Variants in TMEM232 observed in about 807,000 individuals in gnomAD.
TMEM232 encodes transmembrane protein 232.
In TMEM232, 80 loss-of-function variants were observed where a neutral mutation model predicts 78.8. The ratio of observed to expected loss-of-function variants is 1.01; its 90% CI spans 0.85 to 1.22. The LOEUF is 1.22. Ranked by LOEUF, TMEM232 falls within the 50% of genes most tolerant of loss-of-function variation. TMEM232 has a pLI of 0.00. For missense variants in TMEM232, 881 were observed against 742.2 expected, an observed-to-expected ratio of 1.19 and a Z score of -2.17; for synonymous variants, 297 against 254.3, an observed-to-expected ratio of 1.17 and a Z score of -1.60.
At chr5:110,694,673 G>C (rs551535800) in intron 1 of TMEM232, among the ~76,000 whole-genome samples, 5 of 151,958 alleles carry the variant, frequency 3.3e-5, no homozygotes, top group African/African-American at 1.2e-4. Context: ...TGATAAAACA[G>C]ACTTTAAACC....
At position 110,472,149 on chromosome 5, in the gene TMEM232, C is replaced by T. The variant is rs368556402; in HGVS notation, c.1704-47233G>A. 5.9e-5 allele frequency among the ~76,000 whole-genome samples: 9 copies of T among 151,818 alleles called. No homozygotes were observed. The East Asian group carries it at 7.7e-4, about 13-fold the overall frequency. ...GAGATGTGATCTTATATAGAAAAGC[C>T]AAAGACTCCACAAAAAACTATTATA... On this transcript the variant is annotated intron_variant, in intron 12 of 13. Transcript: ENST00000455884.
chr5:110,401,610 T>C (rs1020651176), intron 2 of TMEM232, among the ~76,000 whole-genome samples: 2 of 152,060 alleles, frequency 1.3e-5, no homozygotes, highest in African/African-American at 4.8e-5. Context: ...AAATTTTCCT[T>C]TGCTGAAGTG....
chr5:110,531,636 T>G (rs1288521647), intron 11 of TMEM232, among the ~76,000 whole-genome samples: 1 of 152,192 alleles, frequency 6.6e-6, no homozygotes, highest in Non-Finnish European at 1.5e-5. Flanking sequence ...TTCGTCTCCT[T>G]TTAGCCCTCC....
chr5:110,530,532 T>C (rs918972989), intron 11 of TMEM232, among the ~76,000 whole-genome samples: 31 of 152,134 alleles, frequency 2.0e-4, no homozygotes, highest in African/African-American at 7.2e-4. Flanking sequence ...CACAATGGGA[T>C]AGTATTGAGC....
intron 2 of TMEM232, among the ~76,000 whole-genome samples, chr5:110,649,230 TA>T (rs1371872485): frequency 1.3e-5 from 2 of 151,796 alleles, no homozygotes; most frequent in African/African-American, 4.8e-5. Flanking sequence ...TTTGGGAGAG[TA>T]AAAACAGTTA....
intron 12 of TMEM232, among the ~76,000 whole-genome samples, chr5:110,456,379 AT>A (rs1227184210): frequency 6.6e-6 from 1 of 152,154 alleles, no homozygotes; most frequent in Non-Finnish European, 1.5e-5. Context: ...AAGTAAAAAA[AT>A]TGATAAAAGA....
At chr5:110,431,478 C>A (rs549476173) in intron 12 of TMEM232, among the ~76,000 whole-genome samples, 2 of 151,650 alleles carry the variant, frequency 1.3e-5, no homozygotes, top group East Asian at 3.9e-4. Context: ...GGTGAACTGT[C>A]TTTCTGCTGT....
At chr5:110,435,452 C>T (rs1758323847) in intron 12 of TMEM232, among the ~76,000 whole-genome samples, 1 of 149,618 alleles carries the variant, frequency 6.7e-6, no homozygotes, top group African/African-American at 2.5e-5. Context: ...TATACATCCC[C>T]TCAAGCATTC....
At position 110,676,782 on chromosome 5, in the gene TMEM232, G is replaced by A. The variant is rs1190291962; in HGVS notation, c.-12-9418C>T. 2.9e-5 allele frequency among the ~76,000 whole-genome samples: 4 copies of A among 137,838 alleles called. No homozygotes were observed. The East Asian group carries it at 6.5e-4, about 22-fold the overall frequency. 90.4% of individuals were successfully genotyped at this position (137,838 alleles called of 152,430 possible). On this transcript the variant is annotated intron_variant, in intron 1 of 13. Coordinates refer to ENST00000455884, the MANE Select transcript of TMEM232 (RefSeq NM_001039763.4). ...TTATTTATTTATTTATTTAATATACGGAGTTTCACTCTGTTGCCCAGGCTG... is the reference window on the plus strand; with the variant it reads ...TTATTTATTTATTTATTTAATATACAGAGTTTCACTCTGTTGCCCAGGCTG...
chr5:110,561,428 G>A (rs1001513848), intron 11 of TMEM232, among the ~76,000 whole-genome samples: 21 of 151,526 alleles, frequency 1.4e-4, no homozygotes, highest in South Asian at 6.2e-4. Context: ...TATAAAATAC[G>A]GTTTTATGAG....
chr5:110,612,603 T>A (rs1202953362), intron 8 of TMEM232, among the ~76,000 whole-genome samples: 1 of 152,132 alleles, frequency 6.6e-6, no homozygotes, highest in Non-Finnish European at 1.5e-5. Context: ...TACAGTTAAT[T>A]CCTTGTTTCA....
intron 10 of TMEM232, among the ~76,000 whole-genome samples, chr5:110,595,702 A>G (rs992894552): frequency 6.6e-6 from 1 of 152,192 alleles, no homozygotes; most frequent in African/African-American, 2.4e-5. Flanking sequence ...TTAATGAAAC[A>G]AAGCATAAAG....
At chr5:110,554,193 C>A (rs1184623213) in intron 11 of TMEM232, among the ~76,000 whole-genome samples, 1 of 152,006 alleles carries the variant, frequency 6.6e-6, no homozygotes, top group Non-Finnish European at 1.5e-5. Context: ...GCAGACCCAC[C>A]CTTAATCTGG....
At chr5:110,549,921 A>G (rs1774253593) in intron 11 of TMEM232, among the ~76,000 whole-genome samples, 1 of 152,160 alleles carries the variant, frequency 6.6e-6, no homozygotes, top group Non-Finnish European at 1.5e-5. Context: ...AATGACAAAA[A>G]TAGAAACCTC....
chr5:110,487,275 CT>C (rs150866991), intron 12 of TMEM232, among the ~76,000 whole-genome samples: 2,955 of 152,062 alleles, frequency 0.019, 91 homozygotes, highest in African/African-American at 0.068. Flanking sequence ...GTTTGACTTC[CT>C]GTTTAGGATT....
At chr5:110,605,930 T>C (rs985745660) in intron 9 of TMEM232, among the ~76,000 whole-genome samples, 1 of 152,044 alleles carries the variant, frequency 6.6e-6, no homozygotes, top group Admixed American at 6.6e-5. Context: ...AATACAGAAA[T>C]GTTTCAATAA....
intron 12 of TMEM232, among the ~76,000 whole-genome samples, chr5:110,479,417 C>T (rs1465527179): frequency 6.6e-6 from 1 of 151,554 alleles, no homozygotes; most frequent in African/African-American, 2.4e-5. Flanking sequence ...AAAAAAATTA[C>T]CAAAATAACA....
chr5:110,677,227 T>A (rs1400880315), intron 1 of TMEM232, among the ~76,000 whole-genome samples: 1 of 151,904 alleles, frequency 6.6e-6, no homozygotes, highest in Non-Finnish European at 1.5e-5. Flanking sequence ...ATGTTCATTT[T>A]TTTTAATTGT....
intron 1 of TMEM232, among the ~76,000 whole-genome samples, chr5:110,680,324 G>A (rs1368883268): frequency 1.3e-5 from 2 of 150,584 alleles, no homozygotes; most frequent in Non-Finnish European, 2.9e-5. Context: ...TTGAACCCGG[G>A]AGGTGGAGGC....
Sources: allele counts gnomAD v4.1 joint callset (sites outside exome capture counted in the v4.1 genomes callset), GRCh38; gene constraint gnomAD v4.1.1; transcripts MANE v1.5; gene names NCBI Gene and HGNC (gene_info 2026-07-23, HGNC 2026-07-21).